Variants in DACH2 observed in about 807,000 individuals in gnomAD.
The protein encoded by DACH2 is dachshund family transcription factor 2.
In DACH2, 17 loss-of-function variants were observed where a neutral mutation model predicts 35.8. That is an observed-to-expected ratio of 0.48 (90% CI 0.33 to 0.71). DACH2 has a LOEUF of 0.71. DACH2 is among the 30% of genes least tolerant of loss of function. DACH2 has a pLI of 0.02. For missense variants in DACH2, 469 were observed against 472.7 expected (o/e 0.99, Z 0.07); for synonymous variants, 195 against 177.3 (o/e 1.10, Z -0.79).
At chrX:86,698,476 T>A (rs2041092294) in intron 5 of DACH2, among the ~76,000 whole-genome samples, 1 of 105,188 alleles carries the variant, frequency 9.5e-6, no homozygotes, top group African/African-American at 3.4e-5. Context: ...TAAATTTAGA[T>A]AAATTAATTT....
intron 2 of DACH2, among the ~76,000 whole-genome samples, chrX:86,435,087 C>G (rs368903164): frequency 9.9e-5 from 11 of 111,331 alleles, no homozygotes; most frequent in African/African-American, 3.6e-4. Context: ...GGCCCCATCT[C>G]CAGCATTGGG....
At chrX:86,155,666 T>A (rs2030520617) in intron 1 of DACH2, among the ~76,000 whole-genome samples, 1 of 111,278 alleles carries the variant, frequency 9.0e-6, no homozygotes, top group Admixed American at 9.6e-5. Flanking sequence ...AAATGCAAAT[T>A]TTAAAAAGGA....
chrX:86,566,794 C>T (rs1402671940), intron 3 of DACH2, among the ~76,000 whole-genome samples: 1 of 111,095 alleles, frequency 9.0e-6, no homozygotes, highest in Non-Finnish European at 1.9e-5. Flanking sequence ...CATTCAATTT[C>T]TTATTTCTTT....
Position 86,243,611 on chromosome X carries a change from C to T in DACH2, c.488+94503C>T, listed in dbSNP as rs190463616. On this transcript the variant is annotated intron_variant, in intron 1 of 11. Transcript: ENST00000373125. The stretch of plus-strand genomic sequence containing the variant: ...ACTATTCAGAGACAGTGGATTTATA[C>T]AGAAGCAGAGAATATTTTCTTTGTT... 6.8e-3 allele frequency among the ~76,000 whole-genome samples: 759 copies of T among 111,471 alleles called. 5 individuals are homozygous for T. The highest frequency in any genetic ancestry group is 0.013 in the Admixed American group (139 of 10,488).
chrX:86,178,714 G>A (rs1208386379), intron 1 of DACH2, among the ~76,000 whole-genome samples: 4 of 110,568 alleles, frequency 3.6e-5, no homozygotes, highest in African/African-American at 1.3e-4. Flanking sequence ...TCTAAAAATG[G>A]GAATAATATT....
At chrX:86,189,453 T>C (rs754482345) in intron 1 of DACH2, among the ~76,000 whole-genome samples, 13 of 111,635 alleles carry the variant, frequency 1.2e-4, no homozygotes, top group Non-Finnish European at 2.1e-4. Flanking sequence ...TCCATCATAT[T>C]GATAGGTTCA....
chrX:86,585,049 T>A (rs2039551437), intron 3 of DACH2, among the ~76,000 whole-genome samples: 1 of 111,426 alleles, frequency 9.0e-6, no homozygotes, highest in Admixed American at 9.6e-5. Context: ...TCCAACCCAC[T>A]GTTGATGGGC....
Position 86,326,339 on chromosome X carries a change from C to T in DACH2, c.489-50485C>T, listed in dbSNP as rs769778790. ...AAAATTAGCTGGGCATAGTGGCAGC[C>T]ACCTGTAATTTCAGCTACTTGGAGG... On this transcript the variant is annotated intron_variant, in intron 1 of 11. Coordinates refer to ENST00000373125, the MANE Select transcript of DACH2 (RefSeq NM_053281.3). 1.1e-4 allele frequency among the ~76,000 whole-genome samples: 12 copies of T among 109,610 alleles called. No individual in the cohort carries two copies. In the South Asian group the frequency reaches 4.8e-3, roughly 43 times the overall value.
chrX:86,548,879 G>A (rs1055166974), intron 3 of DACH2, among the ~76,000 whole-genome samples: 2 of 111,483 alleles, frequency 1.8e-5, no homozygotes, highest in African/African-American at 6.5e-5. Context: ...ACTATTTTGG[G>A]GCAATCAAAA....
chrX:86,452,734 G>A (rs1294500211), intron 2 of DACH2, among the ~76,000 whole-genome samples: 1 of 110,788 alleles, frequency 9.0e-6, no homozygotes, highest in African/African-American at 3.3e-5. Context: ...CTAGCTAGTG[G>A]TATATCTATT....
chrX:86,296,513 TG>T (rs1403834065), intron 1 of DACH2, among the ~76,000 whole-genome samples: 1 of 110,953 alleles, frequency 9.0e-6, no homozygotes, highest in Non-Finnish European at 1.9e-5. Flanking sequence ...AGAGATCCCA[TG>T]TTCAAGTTTG....
intron 1 of DACH2, among the ~76,000 whole-genome samples, chrX:86,299,973 G>A (rs1029720565): frequency 9.0e-6 from 1 of 111,444 alleles, no homozygotes; most frequent in Non-Finnish European, 1.9e-5. Context: ...TACATGCATA[G>A]AATGTGTAAT....
intron 1 of DACH2, among the ~76,000 whole-genome samples, chrX:86,321,864 C>G (rs2035022022): frequency 8.9e-6 from 1 of 111,906 alleles, no homozygotes; most frequent in African/African-American, 3.2e-5. Context: ...CTTTATTTGT[C>G]TAAAGTCTTG....
chrX:86,611,877 A>G (rs908337109), intron 3 of DACH2, among the ~76,000 whole-genome samples: 23 of 110,456 alleles, frequency 2.1e-4, no homozygotes, highest in African/African-American at 7.6e-4. Context: ...CATTAAAACC[A>G]GGTACTCTGA....
intron 1 of DACH2, among the ~76,000 whole-genome samples, chrX:86,255,654 A>G (rs1305337510): frequency 9.0e-6 from 1 of 111,731 alleles, no homozygotes; most frequent in African/African-American, 3.3e-5. Flanking sequence ...GTAGTTGAAA[A>G]ATGTTATTCT....
chrX:86,566,163 A>G (rs1484623432), intron 3 of DACH2, among the ~76,000 whole-genome samples: 4 of 112,052 alleles, frequency 3.6e-5, no homozygotes, highest in Non-Finnish European at 7.5e-5. Flanking sequence ...GATAAATTAG[A>G]TCATTAAAAA....
At chrX:86,437,720 A>G (rs191103287) in intron 2 of DACH2, among the ~76,000 whole-genome samples, 1 of 110,927 alleles carries the variant, frequency 9.0e-6, no homozygotes, top group African/African-American at 3.3e-5. Flanking sequence ...TATTATTTTG[A>G]ATAGTGCTGC....
intron 4 of DACH2, among the ~76,000 whole-genome samples, chrX:86,669,772 T>G (rs2040742444): frequency 9.0e-6 from 1 of 111,421 alleles, no homozygotes; most frequent in Non-Finnish European, 1.9e-5. Flanking sequence ...AAGAACACAA[T>G]GTAATTAGAA....
chrX:86,674,692 C>T (rs1397344281), intron 4 of DACH2, among the ~76,000 whole-genome samples: 2 of 111,447 alleles, frequency 1.8e-5, no homozygotes. Flanking sequence ...AGTCTGTTAC[C>T]CTTCTGCATT....
Sources: gnomAD v4.1 joint callset for allele counts (sites outside exome capture counted in the v4.1 genomes callset) on GRCh38, gnomAD v4.1.1 for gene constraint, MANE v1.5 for transcripts, NCBI Gene and HGNC (gene_info 2026-07-23, HGNC 2026-07-21) for gene names.